Variants in ITIH3 observed in about 807,000 individuals in gnomAD.
ITIH3 encodes inter-alpha-trypsin inhibitor heavy chain H3.
ITIH3 carries 81 observed loss-of-function variants against 96.5 expected under a neutral mutation model. The observed-to-expected ratio is 0.84, with a 90% CI of 0.70 to 1.01. The LOEUF is 1.01. ITIH3 is among the 50% of genes least tolerant of loss of function. ITIH3 has a pLI of 0.00. For synonymous variants in ITIH3, 422 were observed against 445.2 expected (o/e 0.95, Z 0.66); for missense variants, 1,057 against 1,139.3 (o/e 0.93, Z 1.04).
intron 15 of ITIH3, chr3:52,805,100 A>T: frequency 3.9e-6 from 1 of 256,578 alleles, no homozygotes; most frequent in Non-Finnish European, 7.4e-6. Context: ...ACGGGGGGTT[A>T]ATTTGCTCAG....
chr3:52,799,617 C>A, intron 8 of ITIH3, 129 bp downstream of exon 8: 1 of 1,087,140 alleles, frequency 9.2e-7, no homozygotes, highest in South Asian at 1.6e-5. Flanking sequence ...AGAAGGCTCA[C>A]GGCCTCTGCC....
rs940694512 is a variant in ITIH3 at position 52,797,909 on chromosome 3, C to G, written c.642C>G (p.Thr214=). The G allele has an allele frequency of 2.5e-6, 4 of 1,601,568 alleles. No individual in the cohort carries two copies. Among genetic ancestry groups the G allele is most frequent in the African/African-American group, 1.3e-5 (1 of 74,696 alleles). ...ACGACCTCCTGGGAAGCGCCCTCAC[C>G]AAGTCCTTCTCAGGGAAAAAGGTGA... is the stretch of plus-strand genomic sequence containing the variant. ...ITNDLLGSAL[T]KSFSGKKGHV... is the part of the protein sequence containing the mutation. The change falls in exon 6 of 22, where the codon ACC becomes ACG. Residue 214 remains threonine, a synonymous_variant. Transcript: ENST00000449956.
rs779343442 is a variant in ITIH3, at chr3:52,796,478, A to G, written c.115-3A>G. 1.9e-5 allele frequency: 30 copies of G among 1,610,976 alleles called. No individual in the cohort carries two copies. Among genetic ancestry groups the G allele is most frequent in the Non-Finnish European group, 2.2e-5 (26 of 1,178,972 alleles). On this transcript the variant is annotated splice_polypyrimidine_tract_variant and splice_region_variant and intron_variant, in intron 2 of 21. Coordinates refer to ENST00000449956, the MANE Select transcript of ITIH3 (RefSeq NM_002217.4). ...GGCTGATTCTCCACCCACCTCCCCA[A>G]AGGTGGCCAATGGCATCGAGGTCTA...
rs1016070581 is a variant in ITIH3 at position 52,805,725 on chromosome 3, C to T, written c.1874-83C>T. 6 of 1,588,568 alleles carry T rather than the reference C, an allele frequency of 3.8e-6. No homozygotes were observed. The Admixed American group carries it at 1.1e-4, about 30-fold the overall frequency. ...GTGTTGGGGCCCCTCTGGGGCCCAG[C>T]AGCGCTAAGACAGGAGGAAGGCACG... On this transcript the variant is annotated intron_variant, in intron 15 of 21. Transcript: ENST00000449956.
chr3:52,805,209 C>G (rs1178368796), intron 15 of ITIH3: 10 of 741,354 alleles, frequency 1.3e-5, no homozygotes, highest in Non-Finnish European at 1.7e-5. Flanking sequence ...GATCACAGTC[C>G]TCTGTGCCTC....
Position 52,796,776 on chromosome 3 carries a change from G to A in ITIH3, c.319G>A (p.Glu107Lys), listed in dbSNP as rs1177807333. 1 of 1,613,164 alleles carries A rather than the reference G, an allele frequency of 6.2e-7. No individual in the cohort carries two copies. The highest frequency in any genetic ancestry group is 1.3e-5 in the African/African-American group (1 of 75,026). Residue 107 changes from glutamate (E) to lysine (K), a missense_variant, in exon 4 of 22, where the codon GAG becomes AAG. Transcript: ENST00000449956. Reference sequence around the variant, plus strand: ...TGTTACCTACCCTGGGAATGTCAAGGAGAAGGAAGTTGCCAAGAAGCAGTA... The same window carrying A: ...TGTTACCTACCCTGGGAATGTCAAGAAGAAGGAAGTTGCCAAGAAGCAGTA... ...DGVTYPGNVK[E>K]KEVAKKQYEK...
intron 6 of ITIH3, among the ~76,000 whole-genome samples, chr3:52,798,202 C>T (rs1699670150): frequency 6.6e-6 from 1 of 152,218 alleles, no homozygotes; most frequent in African/African-American, 2.4e-5. Flanking sequence ...CAGGGCTTAT[C>T]TTCCCTGTTT....
In ITIH3 at chr3:52,807,885, C is replaced by T; in HGVS notation, c.2400C>T (p.His800=). 1 of 1,612,698 alleles carries T rather than the reference C, an allele frequency of 6.2e-7. No individual in the cohort carries two copies. Among genetic ancestry groups the T allele is most frequent in the Non-Finnish European group, 8.5e-7 (1 of 1,179,392 alleles). The stretch of plus-strand genomic sequence containing the variant: ...TAGGCTTCTACGTGGTGGACAGTCA[C>T]CGGATGTCAGCACAGACGCATGGGC... ...DFLGFYVVDS[H]RMSAQTHGLL... The change falls in exon 20 of 22, where the codon CAC becomes CAT. Residue 800 remains histidine, a synonymous_variant. Coordinates refer to ENST00000449956, the MANE Select transcript of ITIH3 (RefSeq NM_002217.4).
chr3:52,803,304 TTATTTTATTTTATTATTATTA>T, intron 13 of ITIH3, among the ~76,000 whole-genome samples: 4 of 135,298 alleles, frequency 3.0e-5, no homozygotes, highest in South Asian at 2.6e-4. Flanking sequence ...ATTTATTTAT[TTATTTTATTTTATTATTATTA>T]TTTTTTTTTT....
chr3:52,807,161 C>A, intron 19 of ITIH3, 56 bp downstream of exon 19: 1 of 1,440,858 alleles, frequency 6.9e-7, no homozygotes. Context: ...TCTAAGGAGG[C>A]TCTTGAGGGA....
Position 52,799,734 on chromosome 3 carries a change from CTCTT to C in ITIH3, c.907-17_907-14del, listed in dbSNP as rs1559471214. On this transcript the variant is annotated splice_polypyrimidine_tract_variant and intron_variant, in intron 8 of 21. Transcript: ENST00000449956. ...CACTCTCTGCTGCGGCTTCTCCCAGCTCTTTGTCTCTCCTCCAGACAAAGGAGGC... is the reference window on the plus strand; with the variant it reads ...CACTCTCTGCTGCGGCTTCTCCCAGCTGTCTCTCCTCCAGACAAAGGAGGC... 1 of 1,601,184 alleles carries C rather than the reference CTCTT, an allele frequency of 6.2e-7. No individual in the cohort carries two copies. Among genetic ancestry groups the C allele is most frequent in the Admixed American group, 1.7e-5 (1 of 58,264 alleles).
chr3:52,799,644 C>A, intron 8 of ITIH3, 109 bp from the exon 9 acceptor site: 1 of 1,261,126 alleles, frequency 7.9e-7, no homozygotes, highest in Non-Finnish European at 1.1e-6. Flanking sequence ...TGTGGCAAGC[C>A]TCAGGCAGGG....
chr3:52,795,027 G>A (rs1294351660), intron 1 of ITIH3, 131 bp downstream of exon 1: 15 of 741,494 alleles, frequency 2.0e-5, no homozygotes, highest in Non-Finnish European at 3.3e-5. Context: ...GAGTAGTGTG[G>A]ACACTGGGAG....
In ITIH3 at chr3:52,808,711, T is replaced by G; in HGVS notation, c.*30T>G. On this transcript the variant is annotated 3_prime_UTR_variant, in exon 22 of 22. Transcript: ENST00000449956. ...ACACACCAGCTCCTGTTGGGATGGA[T>G]GGCCCGGATTTTATGGCATCTGGAA... is the stretch of plus-strand genomic sequence containing the variant. 6.3e-7 allele frequency: 1 copy of G among 1,590,516 alleles called. No homozygotes were observed. The highest frequency in any genetic ancestry group is 8.6e-7 in the Non-Finnish European group (1 of 1,160,332).
chr3:52,798,679 G>T (rs1323523828), intron 6 of ITIH3: 4 of 434,182 alleles, frequency 9.2e-6, no homozygotes, highest in Admixed American at 7.1e-5. Context: ...GCTGGAAGCT[G>T]AATCAGCCAA....
In ITIH3 at chr3:52,799,818, G is replaced by C. The variant is rs370112904; in HGVS notation, c.972G>C (p.Leu324=). The C allele has an allele frequency of 2.2e-4, 354 of 1,613,766 alleles. No homozygotes were observed. The highest frequency in any genetic ancestry group is 2.9e-4 in the Non-Finnish European group (341 of 1,179,792). ...AGGAAGACTATCTGAATTTCATCCT[G>C]TTCAGTGGAGATGTGTCCACATGGA... is the stretch of plus-strand genomic sequence containing the variant. ...MQEEDYLNFI[L]FSGDVSTWKE... Residue 324 remains leucine, a synonymous_variant, in exon 9 of 22, where the codon CTG becomes CTC. Coordinates refer to ENST00000449956, the MANE Select transcript of ITIH3 (RefSeq NM_002217.4).
chr3:52,806,255 G>A (rs1378189324), intron 17 of ITIH3, 38 bp from the exon 18 acceptor site: 11 of 1,602,700 alleles, frequency 6.9e-6, no homozygotes, highest in African/African-American at 4.0e-5. Flanking sequence ...TATGATGAGA[G>A]GCCCCGGGAG....
At chr3:52,804,224 T>C in intron 14 of ITIH3, 1 of 585,086 alleles carries the variant, frequency 1.7e-6, no homozygotes, top group South Asian at 2.1e-5. Flanking sequence ...CCTCTGCACC[T>C]CTAAAGGGAA....
rs537333123 is a variant in ITIH3 at position 52,796,935 on chromosome 3, T to C, written c.386+92T>C. The C allele has an allele frequency of 1.6e-5, 19 of 1,169,748 alleles. No individual in the cohort carries two copies. The African/African-American group carries it at 2.2e-4, about 13-fold the overall frequency. 72.5% of individuals were successfully genotyped at this position (1,169,748 alleles called of 1,614,324 possible). Reference sequence around the variant, plus strand: ...ACAACAACAGCTATTATTATTGGTATAGCAAAATGTGCCCATAATTTTGCC... The same window carrying C: ...ACAACAACAGCTATTATTATTGGTACAGCAAAATGTGCCCATAATTTTGCC... On this transcript the variant is annotated intron_variant, in intron 4 of 21. Transcript: ENST00000449956.
Sources: allele counts gnomAD v4.1 joint callset (sites outside exome capture counted in the v4.1 genomes callset), GRCh38; gene constraint gnomAD v4.1.1; transcripts MANE v1.5; gene names NCBI Gene and HGNC (gene_info 2026-07-23, HGNC 2026-07-21).